Variants in TMC2 observed in about 807,000 individuals in gnomAD.
TMC2 encodes transmembrane channel-like protein 2.
Under a neutral mutation model 105.9 loss-of-function variants are expected in TMC2, and 102 were observed. The observed-to-expected ratio is 0.96, with a 90% confidence interval of 0.82 to 1.14. TMC2 has a LOEUF of 1.14. Ranked by LOEUF, TMC2 falls within the 50% of genes most tolerant of loss-of-function variation. The pLI is 0.00. For missense variants in TMC2, 1,093 were observed against 1,134.3 expected, an observed-to-expected ratio of 0.96 and a Z score of 0.52; for synonymous variants, 402 against 422.8, an observed-to-expected ratio of 0.95 and a Z score of 0.60.
chr20:2,569,991 T>C (rs1209222334), intron 4 of TMC2, among the ~76,000 whole-genome samples: 1 of 152,100 alleles, frequency 6.6e-6, no homozygotes, highest in East Asian at 1.9e-4. Flanking sequence ...CTCAAAATAA[T>C]AAAAGTTATC....
intron 16 of TMC2, among the ~76,000 whole-genome samples, chr20:2,623,408 G>A (rs958605619): frequency 6.6e-6 from 1 of 152,098 alleles, no homozygotes; most frequent in Middle Eastern, 3.4e-3. Flanking sequence ...GCGTGGTGGC[G>A]CTCACCTGTA....
intron 5 of TMC2, among the ~76,000 whole-genome samples, chr20:2,574,377 A>C (rs545333541): frequency 6.6e-6 from 1 of 152,318 alleles, no homozygotes; most frequent in East Asian, 1.9e-4. Flanking sequence ...GCAGATTTTA[A>C]CATTAGGACT....
At chr20:2,602,804 C>A (rs1034296292) in intron 11 of TMC2, among the ~76,000 whole-genome samples, 3 of 152,326 alleles carry the variant, frequency 2.0e-5, no homozygotes, top group South Asian at 2.1e-4. Context: ...AAACCTCTTT[C>A]GGGAATTTGA....
intron 11 of TMC2, among the ~76,000 whole-genome samples, chr20:2,605,274 T>C (rs1372928279): frequency 6.6e-6 from 1 of 152,134 alleles, no homozygotes; most frequent in Non-Finnish European, 1.5e-5. Flanking sequence ...GTGTTGATAG[T>C]ATAGAAGGAA....
At chr20:2,548,679 A>G (rs2085939184) in intron 2 of TMC2, among the ~76,000 whole-genome samples, 1 of 152,122 alleles carries the variant, frequency 6.6e-6, no homozygotes, top group Non-Finnish European at 1.5e-5. Flanking sequence ...TTAGTTAGGC[A>G]TCTAATCAAT....
At chr20:2,618,193 C>G (rs1299308786) in intron 16 of TMC2, 1 of 152,730 alleles carries the variant, frequency 6.5e-6, no homozygotes, top group Non-Finnish European at 1.5e-5. Context: ...AACCTCTGAT[C>G]ACCTCATTCT....
Position 2,558,199 on chromosome 20 carries a change from G to C in TMC2, c.83-257G>C. On this transcript the variant is annotated intron_variant, in intron 2 of 19. Transcript: ENST00000358864. The surrounding 1 kb of genome is among the most constrained non-coding windows in gnomAD (Gnocchi z 4.6). ...TCCTTGGGTATAGGGCAGGACACCT[G>C]TCACAGGAGGTCTTCAAGGGAGACG... is the stretch of plus-strand genomic sequence containing the variant. 1 of 747,332 alleles carries C rather than the reference G, an allele frequency of 1.3e-6. No homozygotes were observed. Among genetic ancestry groups the C allele is most frequent in the Non-Finnish European group, 2.0e-6 (1 of 491,428 alleles). 46.3% of individuals were successfully genotyped at this position (747,332 alleles called of 1,614,324 possible).
Position 2,594,906 on chromosome 20 carries a change from A to G in TMC2, c.1015A>G (p.Met339Val), listed in dbSNP as rs745501140. 2 of 1,614,088 alleles carry G rather than the reference A, an allele frequency of 1.2e-6. No individual in the cohort carries two copies. Among genetic ancestry groups the G allele is most frequent in the Non-Finnish European group, 1.7e-6 (2 of 1,180,014 alleles). The change falls in exon 9 of 20, where the codon ATG becomes GTG. Residue 339 changes from methionine to valine, a missense_variant. Physicochemically the swap from Met to Val is conservative, Grantham distance 21. Transcript: ENST00000358864. ...CGGGTGGCTGAGGTACCGGCTGCCTATGGCTTACTTTATGGTGGGGGTCAG... is the reference window on the plus strand; with the variant it reads ...CGGGTGGCTGAGGTACCGGCTGCCTGTGGCTTACTTTATGGTGGGGGTCAG... Reference protein sequence around the residue: ...TIGWLRYRLPMAYFMVGVSVF... With the variant: ...TIGWLRYRLPVAYFMVGVSVF...
chr20:2,615,688 G>T (rs6107041), intron 14 of TMC2, among the ~76,000 whole-genome samples: 8,472 of 152,198 alleles, frequency 0.056, 765 homozygotes, highest in African/African-American at 0.19. Flanking sequence ...GGATGATTTG[G>T]TTTTTGTTTG....
At chr20:2,571,409 T>A (rs1054284161) in intron 4 of TMC2, among the ~76,000 whole-genome samples, 2 of 152,162 alleles carry the variant, frequency 1.3e-5, no homozygotes, top group Non-Finnish European at 2.9e-5. Context: ...ATTCTCATCA[T>A]CACTAATTAT....
At position 2,642,832 on chromosome 20, in the gene TMC2, T is replaced by C. The variant is rs977788833; in HGVS notation, c.*1481T>C. ...CTCTCACCCATGTCTCTGAGTGTTCTAAAGAGAGTCAGCCACCTTAACCTC... is the reference window on the plus strand; with the variant it reads ...CTCTCACCCATGTCTCTGAGTGTTCCAAAGAGAGTCAGCCACCTTAACCTC... On this transcript the variant is annotated 3_prime_UTR_variant, in exon 20 of 20. Coordinates refer to ENST00000358864, the MANE Select transcript of TMC2 (RefSeq NM_080751.3). Among the ~76,000 whole-genome samples the C allele has an allele frequency of 6.6e-6, 1 of 152,056 alleles. No homozygotes were observed. The highest frequency in any genetic ancestry group is 2.4e-5 in the African/African-American group (1 of 41,362).
chr20:2,564,051 T>A (rs2086046091), intron 4 of TMC2, among the ~76,000 whole-genome samples: 2 of 151,834 alleles, frequency 1.3e-5, no homozygotes, highest in African/African-American at 2.4e-5. Context: ...AATAATAAAA[T>A]AACAAATTAA....
At chr20:2,571,648 A>G (rs1410100736) in intron 4 of TMC2, among the ~76,000 whole-genome samples, 10 of 152,202 alleles carry the variant, frequency 6.6e-5, no homozygotes, top group African/African-American at 2.4e-4. Context: ...TTAAGGGCTC[A>G]TATTATTTTA....
chr20:2,617,864 C>T (rs747289035), intron 16 of TMC2: 1 of 155,062 alleles, frequency 6.4e-6, no homozygotes, highest in Non-Finnish European at 1.4e-5. Context: ...GCATGCACCA[C>T]AATGCCCAAC....
In TMC2 at chr20:2,637,052, C is replaced by T. The variant is rs146018195; in HGVS notation, c.2386-422C>T. On this transcript the variant is annotated intron_variant, in intron 18 of 19. Coordinates refer to ENST00000358864, the MANE Select transcript of TMC2 (RefSeq NM_080751.3). ...AGAGCCTCAGGCTGCCCTCTCCAAT[C>T]AGTTGTGAGGACCAGTAACAGGCAG... Among the ~76,000 whole-genome samples the T allele has an allele frequency of 1.0e-3, 156 of 152,240 alleles. 1 individual carries two copies. The Middle Eastern group carries it at 0.017, about 17-fold the overall frequency.
intron 16 of TMC2, among the ~76,000 whole-genome samples, chr20:2,620,313 T>C (rs375385097): frequency 6.6e-6 from 1 of 152,206 alleles, no homozygotes; most frequent in Non-Finnish European, 1.5e-5. Context: ...TAAAACTAGA[T>C]TCACTGTCAT....
In TMC2 at chr20:2,643,523, A is replaced by G. The variant is rs150391875; in HGVS notation, c.*2172A>G. On this transcript the variant is annotated 3_prime_UTR_variant, in exon 20 of 20. Coordinates refer to ENST00000358864, the MANE Select transcript of TMC2 (RefSeq NM_080751.3). ...ATGTATATGTCATCTAATGCTGCAT[A>G]ACAAATTATTCCCAAAACATAACAG... Among the ~76,000 whole-genome samples the G allele has an allele frequency of 5.3e-3, 804 of 152,378 alleles. 5 individuals are homozygous for G. Among genetic ancestry groups the G allele is most frequent in the Non-Finnish European group, 8.2e-3 (557 of 68,042 alleles).
chr20:2,636,990 T>G (rs771052923), intron 18 of TMC2, among the ~76,000 whole-genome samples: 2 of 152,168 alleles, frequency 1.3e-5, no homozygotes, highest in Non-Finnish European at 2.9e-5. Flanking sequence ...ATCGCTGTCC[T>G]CTGGCCACAT....
At chr20:2,589,731 T>C (rs1004315586) in intron 7 of TMC2, among the ~76,000 whole-genome samples, 1 of 152,104 alleles carries the variant, frequency 6.6e-6, no homozygotes, top group Non-Finnish European at 1.5e-5. Flanking sequence ...GTGCAGTGGC[T>C]CAATCTCGGC....
Sources: gnomAD v4.1 joint callset for allele counts (sites outside exome capture counted in the v4.1 genomes callset) on GRCh38, gnomAD v4.1.1 for gene constraint, Gnocchi (gnomAD v3.1) non-coding constraint, MANE v1.5 for transcripts, NCBI Gene and HGNC (gene_info 2026-07-23, HGNC 2026-07-21) for gene names.